MED12: variants seen among roughly 807,000 people sequenced by gnomAD.
MED12 encodes the protein mediator complex subunit 12, also known as mediator of RNA polymerase II transcription subunit 12.
Under a neutral mutation model 177.7 loss-of-function variants are expected in MED12, and 10 were observed. The ratio of observed to expected loss-of-function variants is 0.06; its 90% confidence interval spans 0.03 to 0.10. The LOEUF (loss-of-function observed/expected upper bound fraction) is 0.10, where lower values mean the gene tolerates loss of function less well. MED12 is among the 10% of genes least tolerant of loss of function. MED12 has a pLI of 1.00. For missense variants in MED12, 867 were observed against 1,780.8 expected, an observed-to-expected ratio of 0.49 and a Z score of 9.23; for synonymous variants, 641 against 678.4, an observed-to-expected ratio of 0.94 and a Z score of 0.86.
intron 29 of MED12, 24 bp from the exon 30 acceptor site, chrX:71,132,049 T>G (rs1210629496): frequency 1.6e-5 from 19 of 1,202,161 alleles, no homozygotes; most frequent in Non-Finnish European, 2.1e-5. Flanking sequence ...ATTTTAGCAC[T>G]TCTGTGCCTT....
chrX:71,134,765 T>C lies in MED12; in HGVS notation c.4780T>C (p.Leu1594=), dbSNP rs1255380007. ...DMLSVLINGT[L]AADMSSISQG... ...GCTGAGCGTGCTCATCAATGGGACA[T>C]TGGCTGCAGACATGTCTAGCATCTC... The change falls in exon 35 of 45, where the codon TTG becomes CTG. Residue 1594 remains leucine, a synonymous_variant. Transcript: ENST00000374080. The C allele has an allele frequency of 5.8e-6, 7 of 1,211,201 alleles. No homozygotes were observed. In the Admixed American group the frequency reaches 6.5e-5, roughly 11 times the overall value.
At chrX:71,125,637 TC>T (rs2147794140) in intron 16 of MED12, 25 bp from the exon 17 acceptor site, 1 of 1,092,008 alleles carries the variant, frequency 9.2e-7, no homozygotes. Flanking sequence ...TTTTGAAACT[TC>T]CCCCCTCATT....
At position 71,124,283 on chromosome X, in the gene MED12, C is replaced by T. The variant is rs367973899; in HGVS notation, c.1869C>T (p.Asp623=). ...CTTGCACTCTCATCTCCCGAGGGGA[C>T]CTTGCCTTTGGAGCCCCTGGTCCCC... The part of the protein sequence containing the change: ...MYTCTLISRG[D]LAFGAPGPRP... The change falls in exon 13 of 45, where the codon GAC becomes GAT. Residue 623 remains aspartate, a synonymous_variant. Coordinates refer to ENST00000374080, the MANE Select transcript of MED12 (RefSeq NM_005120.3). The T allele has an allele frequency of 4.1e-6, 5 of 1,208,354 alleles. No individual in the cohort carries two copies. The highest frequency in any genetic ancestry group is 5.6e-6 in the Non-Finnish European group (5 of 893,795).
At chrX:71,119,143 G>A (rs2092282782) in intron 1 of MED12, among the ~76,000 whole-genome samples, 1 of 110,494 alleles carries the variant, frequency 9.1e-6, no homozygotes, top group Non-Finnish European at 1.9e-5. Context: ...CTGTTCGCAA[G>A]AGAAGAGTGA....
rs1294140756 is a variant in MED12, at chrX:71,140,666, A to G, written c.6076A>G (p.Met2026Val). Residue 2026 changes from methionine (M) to valine (V), a missense_variant, in exon 42 of 45, where the codon ATG becomes GTG. Physicochemically the swap from Met to Val is conservative, Grantham distance 21. Transcript: ENST00000374080. ...ACACCAGACACTGCAGCAGACACCC[A>G]TGATAAGTACCATGACTCCAATGAG... is the stretch of plus-strand genomic sequence containing the variant. ...FSHQTLQQTP[M>V]ISTMTPMSAQ... 12 of 1,208,253 alleles carry G rather than the reference A, an allele frequency of 9.9e-6. No individual in the cohort carries two copies. Among genetic ancestry groups the G allele is most frequent in the Admixed American group, 2.2e-5 (1 of 45,421 alleles).
chrX:71,130,960 G>C (rs2092315313), intron 28 of MED12, among the ~76,000 whole-genome samples: 1 of 112,170 alleles, frequency 8.9e-6, no homozygotes, highest in African/African-American at 3.2e-5. Flanking sequence ...TGAGCAGCTG[G>C]TCTAAAACAA....
chrX:71,121,125 C>T lies in MED12; in HGVS notation c.708C>T (p.Thr236=), dbSNP rs34668206. The change falls in exon 5 of 45, where the codon ACC becomes ACT. Residue 236 remains threonine (T), a synonymous_variant. Coordinates refer to ENST00000374080, the MANE Select transcript of MED12 (RefSeq NM_005120.3). The part of the protein sequence containing the change: ...VEVAIRQWDY[T]EKLAMFMFQD... ...TGGCAATCCGGCAGTGGGATTACACCGAGAAGCTGGCCATGTTCATGTTTC... is the reference window on the plus strand; with the variant it reads ...TGGCAATCCGGCAGTGGGATTACACTGAGAAGCTGGCCATGTTCATGTTTC... The T allele has an allele frequency of 6.0e-5, 73 of 1,208,678 alleles. No individual in the cohort carries two copies. The African/African-American group carries it at 6.4e-4, about 11-fold the overall frequency.
At chrX:71,141,014 C>T (rs767699565) in intron 42 of MED12, among the ~76,000 whole-genome samples, 157 bp downstream of exon 42, 2 of 110,278 alleles carry the variant, frequency 1.8e-5, no homozygotes, top group African/African-American at 6.6e-5. Context: ...TTCTACCCTC[C>T]CCCTTTTTGT....
Position 71,136,883 on chromosome X carries a change from A to G in MED12, c.5405A>G (p.Tyr1802Cys), listed in dbSNP as rs375152466. The change falls in exon 38 of 45, where the codon TAT becomes TGT. Residue 1802 changes from tyrosine to cysteine, a missense_variant. By Grantham distance (194) the Tyr-to-Cys change is radical. Coordinates refer to ENST00000374080, the MANE Select transcript of MED12 (RefSeq NM_005120.3). ...RSQPATKTED[Y>C]GMGPGRSGPY... ...CTTCCTCTGCCACTCACACAGGACT[A>G]TGGAATGGGCCCGGGTCGGAGCGGC... The G allele has an allele frequency of 3.3e-6, 4 of 1,209,140 alleles. No homozygotes were observed. The highest frequency in any genetic ancestry group is 3.5e-5 in the African/African-American group (2 of 56,893).
At position 71,133,172 on chromosome X, in the gene MED12, A is replaced by G. The variant is rs774937112; in HGVS notation, c.4577A>G (p.Lys1526Arg). Reference protein sequence around the residue: ...DDQYLDDCKPKQLMHEALKLR... With the variant: ...DDQYLDDCKPRQLMHEALKLR... ...CAGTACTTAGATGATTGCAAACCAA[A>G]GCAGCTTATGCATGAGGCACTCAAA... is the stretch of plus-strand genomic sequence containing the variant. The change falls in exon 33 of 45, where the codon AAG becomes AGG. Residue 1526 changes from lysine (K) to arginine (R), a missense_variant. Transcript: ENST00000374080. 5.0e-6 allele frequency: 6 copies of G among 1,206,016 alleles called. No individual in the cohort carries two copies. Among genetic ancestry groups the G allele is most frequent in the South Asian group, 1.8e-5 (1 of 56,744 alleles).
chrX:71,135,341 C>T, intron 36 of MED12, 88 bp downstream of exon 36: 5 of 1,045,643 alleles, frequency 4.8e-6, no homozygotes, highest in Non-Finnish European at 6.7e-6. Flanking sequence ...CTCCAACAGA[C>T]TCATCAGATT....
intron 28 of MED12, 139 bp from the exon 29 acceptor site, chrX:71,131,411 A>G: frequency 3.6e-6 from 2 of 561,338 alleles, no homozygotes; most frequent in South Asian, 4.9e-5. Flanking sequence ...TTTCTTAAAG[A>G]TGGGGACATA....
At chrX:71,136,757 A>T in intron 37 of MED12, 102 bp downstream of exon 37, 1 of 1,180,907 alleles carries the variant, frequency 8.5e-7, no homozygotes, top group African/African-American at 1.8e-5. Context: ...AAGGGGTGCC[A>T]TTAGAATCAT....
rs1431106485 is a variant in MED12 at position 71,127,067 on chromosome X, T to G, written c.2784T>G (p.Ala928=). The G allele has an allele frequency of 3.3e-6, 4 of 1,210,772 alleles. No homozygotes were observed. Among genetic ancestry groups the G allele is most frequent in the African/African-American group, 1.7e-5 (1 of 57,449 alleles). Residue 928 remains alanine (A), a synonymous_variant, in exon 20 of 45, where the codon GCT becomes GCG. Transcript: ENST00000374080. ...CTAGCCTGTGCCTGTGCATCGTGGC[T>G]GTCCTGCGGCACTATCATGCCTGCC... ...YTTSLCLCIV[A]VLRHYHACLI...
chrX:71,128,648 C>T lies in MED12; in HGVS notation c.3405C>T (p.Leu1135=). 1.7e-6 allele frequency: 2 copies of T among 1,210,358 alleles called. No individual in the cohort carries two copies. Among genetic ancestry groups the T allele is most frequent in the Middle Eastern group, 2.3e-4 (1 of 4,342 alleles). Residue 1135 remains leucine, a synonymous_variant, in exon 24 of 45, where the codon CTC becomes CTT. Transcript: ENST00000374080. The part of the protein sequence containing the change: ...HDSLATFVAI[L]IARQCLLLED... ...CGCTGGCTACTTTTGTTGCCATCCT[C>T]ATCGCTCGGCAGTGTTTGCTCCTGG... is the stretch of plus-strand genomic sequence containing the variant.
chrX:71,126,825 C>A, intron 19 of MED12, 144 bp from the exon 20 acceptor site: 1 of 576,979 alleles, frequency 1.7e-6, no homozygotes, highest in Non-Finnish European at 3.0e-6. Flanking sequence ...TAGACTGTGG[C>A]ATAGGGTAAC....
chrX:71,124,892 C>T (rs2092298786), intron 14 of MED12, 48 bp downstream of exon 14: 1 of 1,183,209 alleles, frequency 8.5e-7, no homozygotes, highest in Non-Finnish European at 1.1e-6. Flanking sequence ...TGGATCTTCC[C>T]ATTATGCCTG....
At chrX:71,137,099 A>G (rs1157653442) in intron 38 of MED12, 70 bp downstream of exon 38, 1 of 1,189,197 alleles carries the variant, frequency 8.4e-7, no homozygotes, top group Admixed American at 2.3e-5. Flanking sequence ...GGATGATGCC[A>G]TTCCCCTGAG....
rs2147809164 is a variant in MED12, at chrX:71,130,286, G to A, written c.4047+72G>A. 8.7e-6 allele frequency: 9 copies of A among 1,035,351 alleles called. No homozygotes were observed. In the East Asian group the frequency reaches 9.8e-5, roughly 11 times the overall value. The allele number at this position is 1,035,351 out of a possible 1,213,427, so 85.3% of individuals were successfully genotyped here. On this transcript the variant is annotated intron_variant, in intron 28 of 44. Coordinates refer to ENST00000374080, the MANE Select transcript of MED12 (RefSeq NM_005120.3). Reference sequence around the variant, plus strand: ...TGGGGAGAAACAATAGGAACCTTGAGAAAAGGAGAGGGGCAGTTAAGTAGA... The same window carrying A: ...TGGGGAGAAACAATAGGAACCTTGAAAAAAGGAGAGGGGCAGTTAAGTAGA...
Sources: gnomAD v4.1 joint callset for allele counts (sites outside exome capture counted in the v4.1 genomes callset) on GRCh38, gnomAD v4.1.1 for gene constraint, MANE v1.5 for transcripts, NCBI Gene and HGNC (gene_info 2026-07-23, HGNC 2026-07-21) for gene names.